The following PTCH1 variants were observed in gnomAD, a reference collection of about 807,000 sequenced individuals.
PTCH1 encodes the protein patched 1, also known as protein patched homolog 1.
Under a neutral mutation model 144.6 loss-of-function variants are expected in PTCH1, and 14 were observed. That is an observed-to-expected ratio of 0.10 (90% CI 0.06 to 0.15). The LOEUF (loss-of-function observed/expected upper bound fraction) is 0.15, where lower values mean the gene tolerates loss of function less well. Ranked by LOEUF, PTCH1 falls within the 10% of genes least tolerant of loss-of-function variation. The pLI is 1.00. For missense variants in PTCH1, 1,623 were observed against 1,948.3 expected, an observed-to-expected ratio of 0.83 and a Z score of 3.14; for synonymous variants, 833 against 793.6, an observed-to-expected ratio of 1.05 and a Z score of -0.83.
In PTCH1 at chr9:95,476,390, A is replaced by T. The variant is rs1415689595; in HGVS notation, c.1603-231T>A. On this transcript the variant is annotated intron_variant, in intron 11 of 23. Transcript: ENST00000331920. The surrounding 1 kb of genome is among the most constrained non-coding windows in gnomAD (Gnocchi z 4.6). ...TTACCATCCAGAGAAGAAAGCTGCA[A>T]GATAATGACTTAACGCTTAAGTATA... Among the ~76,000 whole-genome samples the T allele has an allele frequency of 6.6e-6, 1 of 152,252 alleles. No individual in the cohort carries two copies. The highest frequency in any genetic ancestry group is 2.4e-5 in the African/African-American group (1 of 41,458).
intron 14 of PTCH1, among the ~76,000 whole-genome samples, chr9:95,468,419 G>A (rs768962917): frequency 1.3e-5 from 2 of 152,094 alleles, no homozygotes; most frequent in Non-Finnish European, 2.9e-5. Context: ...GGCTGTTCTC[G>A]AACTCCTGGC....
Position 95,459,786 on chromosome 9 carries a change from A to G in PTCH1, c.2704-3T>C, listed in dbSNP as rs1208489068. On this transcript the variant is annotated splice_region_variant and splice_polypyrimidine_tract_variant and intron_variant, in intron 16 of 23. Transcript: ENST00000331920. The stretch of plus-strand genomic sequence containing the variant: ...TCCACCAGACGCTGTTTAGTCAACT[A>G]CAAAAACGGGAAGAACAGAGGCCTT... 9.3e-6 allele frequency: 15 copies of G among 1,614,100 alleles called. No homozygotes were observed. In the East Asian group the frequency reaches 3.3e-4, roughly 36 times the overall value.
chr9:95,468,634 T>TA lies in PTCH1; in HGVS notation c.2250+116dup, dbSNP rs796503379. On this transcript the variant is annotated intron_variant, in intron 14 of 23. Coordinates refer to ENST00000331920, the MANE Select transcript of PTCH1 (RefSeq NM_000264.5). The stretch of plus-strand genomic sequence containing the variant: ...TTGGAGGACTGAAATGTATCATACT[T>TA]AAACGAAATTTTTTTTTTTTTAAGG... 10 of 1,413,450 alleles carry TA rather than the reference T, an allele frequency of 7.1e-6. No individual in the cohort carries two copies. The African/African-American group carries it at 9.9e-5, about 14-fold the overall frequency. The allele number at this position is 1,413,450 out of a possible 1,614,324, so 87.6% of individuals were successfully genotyped here.
chr9:95,495,293 G>A (rs1435783933), intron 2 of PTCH1: 1 of 152,210 alleles, frequency 6.6e-6, no homozygotes, highest in Non-Finnish European at 1.5e-5. Flanking sequence ...AAGGGTGGAG[G>A]TGGGGGCGTG....
exon 1 of PTCH1, chr9:95,516,894 A>AC: frequency 7.8e-7 from 1 of 1,283,672 alleles, no homozygotes; most frequent in Non-Finnish European, 1.1e-6. Context: ...CGAAAACTTT[A>AC]CCCCTTTACA....
chr9:95,457,863 C>T, intron 18 of PTCH1, 150 bp downstream of exon 18: 1 of 1,100,556 alleles, frequency 9.1e-7, no homozygotes. Flanking sequence ...TAACCATGGA[C>T]CTCACCACCT....
At chr9:95,465,592 A>G (rs2117899107) in intron 15 of PTCH1, among the ~76,000 whole-genome samples, 1 of 152,326 alleles carries the variant, frequency 6.6e-6, no homozygotes, top group Non-Finnish European at 1.5e-5. Flanking sequence ...TGGTAAACAC[A>G]AGTCAAGGCC....
At position 95,508,782 on chromosome 9, in the gene PTCH1, A is replaced by G; in HGVS notation, c.-421T>C. On this transcript the variant is annotated 5_prime_UTR_variant, in exon 1 of 24. Coordinates refer to ENST00000331920, the MANE Select transcript of PTCH1 (RefSeq NM_000264.5). Reference sequence around the variant, plus strand: ...CCCCGCGCCGCGACCCCTTCACTGCAGAAAGAGCCAGCGAATCCCCGCTGC... The same window carrying G: ...CCCCGCGCCGCGACCCCTTCACTGCGGAAAGAGCCAGCGAATCCCCGCTGC... The G allele has an allele frequency of 2.0e-6, 2 of 977,564 alleles. No homozygotes were observed. The highest frequency in any genetic ancestry group is 2.4e-6 in the Non-Finnish European group (2 of 826,292). The allele number at this position is 977,564 out of a possible 1,614,324, so 60.6% of individuals were successfully genotyped here. A position where few individuals can be genotyped will look rare whatever the true frequency, so the allele number is the denominator to read the frequency against.
rs948522315 is a variant in PTCH1, at chr9:95,444,800, G to C, written c.*1593C>G. ...TTTGGATGGGGAGCCGACACTGGGT[G>C]CTTCCCTGACATGTGCTGGTCTCTG... On this transcript the variant is annotated 3_prime_UTR_variant, in exon 24 of 24. Coordinates refer to ENST00000331920, the MANE Select transcript of PTCH1 (RefSeq NM_000264.5). The C allele has an allele frequency of 1.3e-5, 2 of 152,082 alleles. No homozygotes were observed. Among genetic ancestry groups the C allele is most frequent in the African/African-American group, 4.8e-5 (2 of 41,348 alleles). 9.4% of individuals were successfully genotyped at this position (152,082 alleles called of 1,614,324 possible).
At chr9:95,446,632 T>C in intron 23 of PTCH1, 1 of 551,544 alleles carries the variant, frequency 1.8e-6, no homozygotes, top group Admixed American at 2.9e-5. Flanking sequence ...CTGGCAAATA[T>C]TGGTAAAAGG....
Position 95,447,111 on chromosome 9 carries a change from T to G in PTCH1, c.4145A>C (p.His1382Pro), listed in dbSNP as rs1837991686. The change falls in exon 23 of 24, where the codon CAC (histidine) becomes CCC (proline). Residue 1382 changes from histidine to proline, a missense_variant. Physicochemically the swap from His to Pro is moderately conservative, Grantham distance 77 (BLOSUM62 -2). Coordinates refer to ENST00000331920, the MANE Select transcript of PTCH1 (RefSeq NM_000264.5). The part of the protein sequence containing the change: ...TASASVTVAV[H>P]PPPVPGPGRN... ...CCCAGGCCCAGGGACAGGCGGCGGGTGCACGGCGACAGTCACGGAGGCAGA... is the reference window on the plus strand; with the variant it reads ...CCCAGGCCCAGGGACAGGCGGCGGGGGCACGGCGACAGTCACGGAGGCAGA... 3 of 1,613,220 alleles carry G rather than the reference T, an allele frequency of 1.9e-6. No individual in the cohort carries two copies. The highest frequency in any genetic ancestry group is 2.5e-6 in the Non-Finnish European group (3 of 1,179,910).
chr9:95,473,318 C>T (rs922738723), intron 12 of PTCH1, among the ~76,000 whole-genome samples: 11 of 152,146 alleles, frequency 7.2e-5, no homozygotes, highest in African/African-American at 1.9e-4. Context: ...TGGACAGAAC[C>T]GCCTTGGGTC....
upstream of PTCH1, among the ~76,000 whole-genome samples, chr9:95,510,002 TAAAAAA>T (rs71498965): frequency 7.2e-6 from 1 of 138,638 alleles, no homozygotes; most frequent in African/African-American, 2.7e-5. Flanking sequence ...CCCCCCAACT[TAAAAAA>T]AAAAAAAACA....
chr9:95,475,789 C>T (rs914038599), intron 12 of PTCH1, among the ~76,000 whole-genome samples: 5 of 152,106 alleles, frequency 3.3e-5, no homozygotes, highest in African/African-American at 1.2e-4. Context: ...TATAAGGCAA[C>T]AGACGTCTGG....
chr9:95,447,504 C>T, intron 22 of PTCH1, 53 bp from the exon 23 acceptor site: 1 of 1,474,728 alleles, frequency 6.8e-7, no homozygotes, highest in Middle Eastern at 2.1e-4. Flanking sequence ...TGGGCATGGT[C>T]CCCGCAGCTC....
At chr9:95,507,485 C>T (rs1252792012) in intron 1 of PTCH1, 1 of 971,182 alleles carries the variant, frequency 1.0e-6, no homozygotes, top group Non-Finnish European at 1.2e-6. Context: ...AGACTCGCAC[C>T]GCGAATTTAA....
intron 6 of PTCH1, 138 bp from the exon 7 acceptor site, chr9:95,480,228 C>T: frequency 6.5e-7 from 1 of 1,531,486 alleles, no homozygotes. Flanking sequence ...TATGGCAAAT[C>T]TTACAGCAAA....
chr9:95,463,142 GAC>G, intron 15 of PTCH1, among the ~76,000 whole-genome samples: 1 of 151,492 alleles, frequency 6.6e-6, no homozygotes, highest in Admixed American at 6.6e-5. Flanking sequence ...TTCATTTCGG[GAC>G]ATGCCTTGGA....
At chr9:95,455,368 C>T (rs770015006) in intron 19 of PTCH1, among the ~76,000 whole-genome samples, 2 of 152,164 alleles carry the variant, frequency 1.3e-5, no homozygotes, top group African/African-American at 2.4e-5. Context: ...AAAGCAATGG[C>T]GGAAGTGATT....
Sources: gnomAD v4.1 joint callset for allele counts (sites outside exome capture counted in the v4.1 genomes callset) on GRCh38, gnomAD v4.1.1 for gene constraint, Gnocchi (gnomAD v3.1) non-coding constraint, MANE v1.5 for transcripts, NCBI Gene and HGNC (gene_info 2026-07-23, HGNC 2026-07-21) for gene names.